The following ARHGAP24 variants were observed in gnomAD, a reference collection of about 807,000 sequenced individuals.
ARHGAP24 encodes Rho GTPase activating protein 24, also known as rho GTPase-activating protein 24.
ARHGAP24 carries 50 observed loss-of-function variants against 76.4 expected under a neutral mutation model. That is an observed-to-expected ratio of 0.65 (90% CI 0.52 to 0.83). The LOEUF (loss-of-function observed/expected upper bound fraction) is 0.83. Among genes scored for constraint, ARHGAP24 ranks in the 40% least tolerant of loss-of-function variants. The pLI, the probability that ARHGAP24 is intolerant of heterozygous loss-of-function variation, is 0.00. For synonymous variants in ARHGAP24, 345 were observed against 323.3 expected, an observed-to-expected ratio of 1.07 and a Z score of -0.72; for missense variants, 930 against 914.2, an observed-to-expected ratio of 1.02 and a Z score of -0.22.
chr4:85,883,970 A>G (rs921157292), intron 3 of ARHGAP24, among the ~76,000 whole-genome samples: 1 of 152,166 alleles, frequency 6.6e-6, no homozygotes, highest in Non-Finnish European at 1.5e-5. Flanking sequence ...CAACAAAAAA[A>G]TCATCCACTT....
At chr4:85,948,856 A>G (rs1737433999) in intron 5 of ARHGAP24, among the ~76,000 whole-genome samples, 1 of 151,940 alleles carries the variant, frequency 6.6e-6, no homozygotes, top group Non-Finnish European at 1.5e-5. Flanking sequence ...TCCTATGGCC[A>G]TTTCCTACAT....
At chr4:85,833,612 G>A (rs1248417629) in intron 3 of ARHGAP24, among the ~76,000 whole-genome samples, 1 of 152,144 alleles carries the variant, frequency 6.6e-6, no homozygotes, top group Non-Finnish European at 1.5e-5. Context: ...AAGCCTGAAG[G>A]CTTTGAAAAA....
chr4:85,798,355 C>G (rs1325754110), intron 3 of ARHGAP24, among the ~76,000 whole-genome samples: 1 of 152,114 alleles, frequency 6.6e-6, no homozygotes, highest in African/African-American at 2.4e-5. Context: ...TGATGGAGAA[C>G]TAATCTGTGA....
At chr4:85,522,542 C>T (rs1724822842) in intron 1 of ARHGAP24, among the ~76,000 whole-genome samples, 1 of 152,178 alleles carries the variant, frequency 6.6e-6, no homozygotes, top group African/African-American at 2.4e-5. Context: ...CCAACCATCA[C>T]CATTTGTGAG....
chr4:85,747,681 C>A (rs1245286702), intron 3 of ARHGAP24, among the ~76,000 whole-genome samples: 1 of 150,504 alleles, frequency 6.6e-6, no homozygotes, highest in Admixed American at 6.7e-5. Flanking sequence ...CCAGCCTGGG[C>A]TACAGAGCTA....
rs145680869 is a variant in ARHGAP24 at position 85,814,128 on chromosome 4, A to G, written c.268+92156A>G. ...GGGAAACCGCCCCCATGATCCAACC[A>G]TCTCCCACCAGTTTCCTCCCACAAC... is the stretch of plus-strand genomic sequence containing the variant. On this transcript the variant is annotated intron_variant, in intron 3 of 9. Transcript: ENST00000395184. Among the ~76,000 whole-genome samples, 1,495 of 152,036 alleles carry G rather than the reference A, an allele frequency of 9.8e-3. 28 individuals are homozygous for G. The highest frequency in any genetic ancestry group is 0.034 in the African/African-American group (1,401 of 41,436).
At chr4:85,919,436 T>G (rs1327641391) in intron 3 of ARHGAP24, among the ~76,000 whole-genome samples, 1 of 152,192 alleles carries the variant, frequency 6.6e-6, no homozygotes, top group East Asian at 1.9e-4. Context: ...AAATTATATC[T>G]ACATAATTGT....
intron 2 of ARHGAP24, among the ~76,000 whole-genome samples, chr4:85,646,576 C>G (rs1721729247): frequency 6.6e-6 from 1 of 152,016 alleles, no homozygotes; most frequent in African/African-American, 2.4e-5. Flanking sequence ...CAAAGATGCA[C>G]TATCTTAGGA....
intron 1 of ARHGAP24, among the ~76,000 whole-genome samples, chr4:85,479,885 A>G (rs925363381): frequency 6.6e-6 from 1 of 152,198 alleles, no homozygotes; most frequent in Non-Finnish European, 1.5e-5. Context: ...ATTTTGATCA[A>G]GAATTCATAC....
At chr4:85,990,808 G>A (rs1046407177) in intron 8 of ARHGAP24, 3 of 151,894 alleles carry the variant, frequency 2.0e-5, no homozygotes, top group Non-Finnish European at 2.9e-5. Context: ...GGAGTTAAAA[G>A]TATAAGATAT....
At chr4:85,543,331 A>G (rs1725784065) in intron 1 of ARHGAP24, among the ~76,000 whole-genome samples, 1 of 152,190 alleles carries the variant, frequency 6.6e-6, no homozygotes. Context: ...TAGAAGCTCT[A>G]AAACTGGGAA....
At chr4:85,899,070 G>C (rs542837223) in intron 3 of ARHGAP24, among the ~76,000 whole-genome samples, 1 of 152,136 alleles carries the variant, frequency 6.6e-6, no homozygotes, top group Admixed American at 6.5e-5. Context: ...AATGACTAAA[G>C]ATATAAGTAT....
At chr4:85,923,256 G>C (rs1735833402) in intron 3 of ARHGAP24, among the ~76,000 whole-genome samples, 1 of 152,046 alleles carries the variant, frequency 6.6e-6, no homozygotes, top group South Asian at 2.1e-4. Flanking sequence ...ACTGTTCCAC[G>C]CTTGCTTCAA....
chr4:85,690,758 G>GTTTTTTTTTTTTTTTTTTTTTTTTTT (rs57175662), intron 2 of ARHGAP24, among the ~76,000 whole-genome samples: 1 of 130,758 alleles, frequency 7.6e-6, no homozygotes, highest in Admixed American at 7.5e-5. Context: ...TGTCAATCTT[G>GTTTTTTTTTTTTTTTTTTTTTTTTTT]TTTTTTTTTT....
intron 2 of ARHGAP24, among the ~76,000 whole-genome samples, chr4:85,576,407 G>C (rs1727379177): frequency 1.3e-5 from 2 of 151,536 alleles, no homozygotes; most frequent in Non-Finnish European, 2.9e-5. Flanking sequence ...TCCAGCCTGG[G>C]CGACAGAGCG....
chr4:85,918,063 G>A (rs1032505714), intron 3 of ARHGAP24, among the ~76,000 whole-genome samples: 3 of 151,854 alleles, frequency 2.0e-5, no homozygotes, highest in African/African-American at 7.3e-5. Context: ...TAGAGCATCC[G>A]AGACAATACA....
intron 5 of ARHGAP24, among the ~76,000 whole-genome samples, chr4:85,970,426 T>C (rs1300030437): frequency 2.6e-5 from 4 of 152,230 alleles, no homozygotes; most frequent in African/African-American, 9.6e-5. Flanking sequence ...ATCAGCTTAG[T>C]ATCTGCAGCC....
At chr4:85,953,110 G>A (rs1737712800) in intron 5 of ARHGAP24, among the ~76,000 whole-genome samples, 1 of 152,040 alleles carries the variant, frequency 6.6e-6, no homozygotes, top group Non-Finnish European at 1.5e-5. Context: ...TTAACTGCTG[G>A]GCAACAGAAT....
chr4:85,627,796 C>G (rs1166999885), intron 2 of ARHGAP24, among the ~76,000 whole-genome samples: 4 of 152,238 alleles, frequency 2.6e-5, no homozygotes, highest in African/African-American at 7.2e-5. Context: ...TTTCCCCAGC[C>G]TGGCTGCCGC....
Sources: allele counts gnomAD v4.1 joint callset (sites outside exome capture counted in the v4.1 genomes callset), GRCh38; gene constraint gnomAD v4.1.1; transcripts MANE v1.5; gene names NCBI Gene and HGNC (gene_info 2026-07-23, HGNC 2026-07-21).